The following DNAJC13 variants were observed in gnomAD, a reference collection of about 807,000 sequenced individuals.
The protein encoded by DNAJC13 is DnaJ heat shock protein family (Hsp40) member C13, also known as dnaJ homolog subfamily C member 13.
A neutral mutation model predicts 290.5 loss-of-function variants in DNAJC13; 75 were observed. That is an observed-to-expected ratio of 0.26 (90% CI 0.21 to 0.31). The LOEUF (loss-of-function observed/expected upper bound fraction) is 0.31, where lower values mean the gene tolerates loss of function less well. DNAJC13 is among the 10% of genes least tolerant of loss of function. The pLI is 1.00. For missense variants in DNAJC13, 2,260 were observed against 2,674.5 expected (o/e 0.85, Z 3.42); for synonymous variants, 862 against 892.0 (o/e 0.97, Z 0.60).
In DNAJC13 at chr3:132,456,574, A is replaced by C; in HGVS notation, c.1173A>C (p.Thr391=). 6.2e-7 allele frequency: 1 copy of C among 1,613,934 alleles called. No individual in the cohort carries two copies. The highest frequency in any genetic ancestry group is 8.5e-7 in the Non-Finnish European group (1 of 1,179,886). Residue 391 remains threonine (T), a synonymous_variant, in exon 11 of 56, where the codon ACA becomes ACC. Transcript: ENST00000260818. Reference sequence around the variant, plus strand: ...ACAGTGGAGTCCTACATGCAGTAACACAAGATGTAAGCTAAGTTTTATCAT... The same window carrying C: ...ACAGTGGAGTCCTACATGCAGTAACCCAAGATGTAAGCTAAGTTTTATCAT... ...ISYSGVLHAV[T]QDGLFSENKE...
At chr3:132,450,874 C>T in intron 6 of DNAJC13, 27 bp downstream of exon 6, 2 of 1,160,974 alleles carry the variant, frequency 1.7e-6, no homozygotes, top group South Asian at 1.6e-5. Flanking sequence ...AAAAAAAAAA[C>T]ACTTTAAAAG....
intron 20 of DNAJC13, among the ~76,000 whole-genome samples, chr3:132,471,859 G>A (rs1274250376): frequency 1.4e-5 from 2 of 147,192 alleles, no homozygotes; most frequent in Non-Finnish European, 3.0e-5. Context: ...CCGGGCAGAG[G>A]CTGCAATCTC....
intron 2 of DNAJC13, among the ~76,000 whole-genome samples, chr3:132,445,261 AT>A (rs1188236295): frequency 1.3e-5 from 2 of 152,148 alleles, no homozygotes; most frequent in African/African-American, 2.4e-5. Flanking sequence ...AATTAAAAAA[AT>A]CTCGTATTAA....
At chr3:132,428,728 T>C (rs950077941) in intron 1 of DNAJC13, among the ~76,000 whole-genome samples, 6 of 152,204 alleles carry the variant, frequency 3.9e-5, no homozygotes, top group Non-Finnish European at 8.8e-5. Flanking sequence ...TTGAACACTT[T>C]GTCAAGAAAT....
At chr3:132,422,894 A>G (rs1474644375) in intron 1 of DNAJC13, among the ~76,000 whole-genome samples, 4 of 152,232 alleles carry the variant, frequency 2.6e-5, no homozygotes, top group Non-Finnish European at 4.4e-5. Flanking sequence ...TGCCCTTAGA[A>G]GAACACTGCC....
At chr3:132,506,789 A>G (rs1040923996) in intron 42 of DNAJC13, among the ~76,000 whole-genome samples, 2 of 151,614 alleles carry the variant, frequency 1.3e-5, no homozygotes, top group Non-Finnish European at 2.9e-5. Flanking sequence ...TGACCTCATG[A>G]TCCACCCGCC....
rs953998598 is a variant in DNAJC13, at chr3:132,460,198, A to G, written c.1450-52A>G. 4 of 1,219,936 alleles carry G rather than the reference A, an allele frequency of 3.3e-6. No individual in the cohort carries two copies. The African/African-American group carries it at 6.1e-5, about 19-fold the overall frequency. The allele number at this position is 1,219,936 out of a possible 1,614,324, so 75.6% of individuals were successfully genotyped here. ...TTATAAATGACTTTTGCGTGATGCT[A>G]GCACATGGGACTGCTTATGAATTAT... On this transcript the variant is annotated intron_variant, in intron 13 of 55. Transcript: ENST00000260818.
intron 48 of DNAJC13, among the ~76,000 whole-genome samples, chr3:132,520,260 G>A (rs1335066746): frequency 6.6e-6 from 1 of 152,238 alleles, no homozygotes; most frequent in African/African-American, 2.4e-5. Context: ...ACAAATGGAT[G>A]TGGCTGTGTT....
At chr3:132,422,505 C>A (rs1212047869) in intron 1 of DNAJC13, among the ~76,000 whole-genome samples, 1 of 152,198 alleles carries the variant, frequency 6.6e-6, no homozygotes, top group Non-Finnish European at 1.5e-5. Flanking sequence ...AAATTTTAAT[C>A]AGTGGTTTTC....
intron 13 of DNAJC13, 50 bp from the exon 14 acceptor site, chr3:132,460,200 C>A (rs754156027): frequency 3.9e-5 from 49 of 1,240,620 alleles, no homozygotes; most frequent in Middle Eastern, 3.9e-4. Context: ...GTGATGCTAG[C>A]ACATGGGACT....
chr3:132,491,232 A>G (rs1935049302), intron 32 of DNAJC13, among the ~76,000 whole-genome samples, 181 bp downstream of exon 32: 1 of 152,188 alleles, frequency 6.6e-6, no homozygotes, highest in South Asian at 2.1e-4. Context: ...CTCTATTCTA[A>G]TAAGATTTGA....
chr3:132,469,963 C>CTTTTTTTTTTTTTTTTTTTTTTTTTTTTT (rs61726289), intron 20 of DNAJC13, among the ~76,000 whole-genome samples: 1 of 61,154 alleles, frequency 1.6e-5, no homozygotes, highest in African/African-American at 5.6e-5. Context: ...AGCAGAGATT[C>CTTTTTTTTTTTTTTTTTTTTTTTTTTTTT]TTTTTTTTTT....
At chr3:132,523,765 A>G (rs775581611) in intron 51 of DNAJC13, 52 bp downstream of exon 51, 1 of 1,545,778 alleles carries the variant, frequency 6.5e-7, no homozygotes, top group Admixed American at 1.9e-5. Context: ...AACTAGACTG[A>G]TGGTGTTTCT....
At chr3:132,450,049 A>T (rs1407822894) in intron 5 of DNAJC13, among the ~76,000 whole-genome samples, 1 of 152,164 alleles carries the variant, frequency 6.6e-6, no homozygotes, top group African/African-American at 2.4e-5. Flanking sequence ...TTGTGAAGGA[A>T]TATTATCTAA....
intron 34 of DNAJC13, among the ~76,000 whole-genome samples, chr3:132,494,611 GC>G (rs1283300034): frequency 6.6e-6 from 1 of 152,118 alleles, no homozygotes; most frequent in Admixed American, 6.5e-5. Flanking sequence ...ATAGCAATAT[GC>G]CTAGGACACC....
intron 13 of DNAJC13, 52 bp from the exon 14 acceptor site, chr3:132,460,198 A>T: frequency 8.2e-7 from 1 of 1,220,012 alleles, no homozygotes; most frequent in Non-Finnish European, 1.2e-6. Context: ...GCGTGATGCT[A>T]GCACATGGGA....
chr3:132,442,564 T>C (rs1933106782), intron 2 of DNAJC13, among the ~76,000 whole-genome samples: 1 of 152,204 alleles, frequency 6.6e-6, no homozygotes, highest in Non-Finnish European at 1.5e-5. Context: ...TTTTTCTTTT[T>C]CTTTGTCACC....
Position 132,467,186 on chromosome 3 carries a change from T to A in DNAJC13, c.2081T>A (p.Phe694Tyr), listed in dbSNP as rs780259950. ...VKIAMDQYGK[F>Y]NKVPEWQRLA... is the part of the protein sequence containing the mutation. ...ATTTTACAGGATCAGTATGGAAAAT[T>A]TAATAAAGTTCCAGAGTGGCAAAGA... is the stretch of plus-strand genomic sequence containing the variant. Residue 694 changes from phenylalanine (F) to tyrosine (Y), a missense_variant, in exon 20 of 56, where the codon TTT becomes TAT. Physicochemically the swap from Phe to Tyr is conservative, Grantham distance 22. Around this residue, in one of 3 missense-constraint regions of DNAJC13, gnomAD observed 762 missense variants for 964.1 expected, o/e 0.79. Transcript: ENST00000260818. The A allele has an allele frequency of 3.1e-6, 5 of 1,612,024 alleles. No individual in the cohort carries two copies. Among genetic ancestry groups the A allele is most frequent in the Non-Finnish European group, 4.2e-6 (5 of 1,179,394 alleles).
At chr3:132,500,752 T>C in intron 38 of DNAJC13, 42 bp from the exon 39 acceptor site, 1 of 1,610,604 alleles carries the variant, frequency 6.2e-7, no homozygotes, top group Non-Finnish European at 8.5e-7. Flanking sequence ...GGAATGCCTA[T>C]GTGACTCTAC....
Sources: allele counts gnomAD v4.1 joint callset (sites outside exome capture counted in the v4.1 genomes callset), GRCh38; gene constraint gnomAD v4.1.1; regional missense constraint gnomAD v4.1.1; transcripts MANE v1.5; gene names NCBI Gene and HGNC (gene_info 2026-07-23, HGNC 2026-07-21).